Variants in SUGP2 observed in about 807,000 individuals in gnomAD.
SUGP2 encodes SURP and G-patch domain-containing protein 2.
Under a neutral mutation model 90.5 loss-of-function variants are expected in SUGP2, and 24 were observed. The ratio of observed to expected loss-of-function variants is 0.27; its 90% CI spans 0.19 to 0.37. The LOEUF (loss-of-function observed/expected upper bound fraction) is 0.37, where lower values mean the gene tolerates loss of function less well. Ranked by LOEUF, SUGP2 falls within the 10% of genes least tolerant of loss-of-function variation. The pLI, the probability that SUGP2 is intolerant of heterozygous loss-of-function variation, is 1.00. For missense variants in SUGP2, 1,233 were observed against 1,363.3 expected, an observed-to-expected ratio of 0.90 and a Z score of 1.51; for synonymous variants, 473 against 513.4, an observed-to-expected ratio of 0.92 and a Z score of 1.06.
At chr19:19,018,628 G>C (rs938381973) in intron 4 of SUGP2, among the ~76,000 whole-genome samples, 4 of 139,778 alleles carry the variant, frequency 2.9e-5, no homozygotes, top group Admixed American at 7.5e-5. Flanking sequence ...CGGAGGTTGC[G>C]GTGAGCCGAG....
At chr19:19,005,796 AC>A (rs1342718529) in intron 6 of SUGP2, among the ~76,000 whole-genome samples, 1 of 151,084 alleles carries the variant, frequency 6.6e-6, no homozygotes, top group African/African-American at 2.4e-5. Flanking sequence ...TACATCAGCC[AC>A]CCAAGTAGTT....
intron 4 of SUGP2, among the ~76,000 whole-genome samples, chr19:19,014,326 G>C (rs1326607740): frequency 6.6e-6 from 1 of 152,086 alleles, no homozygotes; most frequent in Non-Finnish European, 1.5e-5. Flanking sequence ...CACGAGGCAG[G>C]TCACCTCGGC....
At chr19:19,002,329 G>A (rs1036556089) in intron 7 of SUGP2, among the ~76,000 whole-genome samples, 4 of 151,300 alleles carry the variant, frequency 2.6e-5, no homozygotes, top group Admixed American at 1.3e-4. Context: ...GTAGTGAGCC[G>A]AGATTGTGCC....
At chr19:19,024,546 A>C (rs2058849338) in intron 3 of SUGP2, 73 bp downstream of exon 3, 2 of 1,507,966 alleles carry the variant, frequency 1.3e-6, no homozygotes, top group South Asian at 2.6e-5. Context: ...TCTGTGTAAA[A>C]AAATCTCGAA....
chr19:19,004,719 G>C, intron 6 of SUGP2, 73 bp from the exon 7 acceptor site: 1 of 1,293,190 alleles, frequency 7.7e-7, no homozygotes. Flanking sequence ...AAACTGCTGG[G>C]ATTGATCCAA....
rs146559292 is a variant in SUGP2 at position 19,010,104 on chromosome 19, T to C, written c.2089A>G (p.Thr697Ala). The C allele has an allele frequency of 1.3e-4, 212 of 1,611,968 alleles. No homozygotes were observed. The African/African-American group carries it at 2.6e-3, about 20-fold the overall frequency. The change falls in exon 5 of 11, where the codon ACC (threonine) becomes GCC (alanine). Residue 697 changes from threonine (T) to alanine (A), a missense_variant. Physicochemically the swap from Thr to Ala is moderately conservative, Grantham distance 58 (BLOSUM62 0). Coordinates refer to ENST00000452918, the MANE Select transcript of SUGP2 (RefSeq NM_001017392.5). ...GLRGWKARRA[T>A]TGTQTLLSSG... ...GATAGGAGGGTCTGGGTCCCGGTGG[T>C]CGCTCTCCTCGCCTTCCAGCCCCGG...
At chr19:19,007,747 C>A (rs1382221459) in intron 6 of SUGP2, among the ~76,000 whole-genome samples, 2 of 147,206 alleles carry the variant, frequency 1.4e-5, no homozygotes, top group African/African-American at 5.0e-5. Flanking sequence ...TGAGCCATTG[C>A]ACCTAGCCTT....
chr19:19,028,375 G>A (rs2059015271), intron 2 of SUGP2, among the ~76,000 whole-genome samples: 1 of 152,222 alleles, frequency 6.6e-6, no homozygotes, highest in African/African-American at 2.4e-5. Context: ...GCAGAGGGAT[G>A]ATCTCACTGG....
intron 3 of SUGP2, among the ~76,000 whole-genome samples, chr19:19,022,923 A>C (rs140467493): frequency 6.9e-4 from 105 of 152,284 alleles, no homozygotes; most frequent in African/African-American, 2.5e-3. Context: ...ACATCGTGGG[A>C]AAAGTGCTTT....
At chr19:19,031,573 C>T (rs1170827765) in intron 1 of SUGP2, among the ~76,000 whole-genome samples, 1 of 151,494 alleles carries the variant, frequency 6.6e-6, no homozygotes, top group African/African-American at 2.4e-5. Context: ...CATGGTGGCA[C>T]GTGCCTGTAA....
intron 3 of SUGP2, among the ~76,000 whole-genome samples, chr19:19,022,286 T>C (rs1245077651): frequency 6.6e-6 from 1 of 152,086 alleles, no homozygotes; most frequent in African/African-American, 2.4e-5. Flanking sequence ...GCCTGGCCCA[T>C]TATAGCATTT....
chr19:19,015,929 T>C (rs1437172834), intron 4 of SUGP2, among the ~76,000 whole-genome samples: 1 of 152,226 alleles, frequency 6.6e-6, no homozygotes, highest in Non-Finnish European at 1.5e-5. Context: ...CTATTTTTCA[T>C]TTCCAAGATC....
intron 7 of SUGP2, 31 bp from the exon 8 acceptor site, chr19:19,001,705 A>G (rs1430462846): frequency 6.2e-7 from 1 of 1,609,218 alleles, no homozygotes; most frequent in Admixed American, 1.7e-5. Context: ...ACACATACAC[A>G]TACATGTGCT....
In SUGP2 at chr19:19,033,504, C is replaced by A; in HGVS notation, c.-79G>T. On this transcript the variant is annotated 5_prime_UTR_variant, in exon 1 of 11. Coordinates refer to ENST00000452918, the MANE Select transcript of SUGP2 (RefSeq NM_001017392.5). ...GGCTCCTCACCCGCCGCCGCCGCCG[C>A]GCGAGGCGGGGACATGCAAATGAAC... 7.1e-7 allele frequency: 1 copy of A among 1,406,066 alleles called. No individual in the cohort carries two copies. The highest frequency in any genetic ancestry group is 9.3e-7 in the Non-Finnish European group (1 of 1,079,254). The allele number at this position is 1,406,066 out of a possible 1,614,324, so 87.1% of individuals were successfully genotyped here.
At chr19:18,995,654 A>G (rs1472210137) in intron 8 of SUGP2, among the ~76,000 whole-genome samples, 1 of 152,216 alleles carries the variant, frequency 6.6e-6, no homozygotes, top group African/African-American at 2.4e-5. Context: ...AGCCCAGGGA[A>G]GAGTGGGGGG....
intron 2 of SUGP2, among the ~76,000 whole-genome samples, chr19:19,027,596 C>G (rs1436945045): frequency 6.6e-6 from 1 of 151,732 alleles, no homozygotes; most frequent in African/African-American, 2.4e-5. Flanking sequence ...CATTTTGAGA[C>G]AGGCTAGTCA....
Position 19,010,423 on chromosome 19 carries a change from T to C in SUGP2, c.1851-81A>G, listed in dbSNP as rs76496920. On this transcript the variant is annotated intron_variant, in intron 4 of 10. Transcript: ENST00000452918. ...ATTGTTCCTTCAAACACAAACCCTTTCTAAGTGGCCAACTCCTCACTGTCC... is the reference window on the plus strand; with the variant it reads ...ATTGTTCCTTCAAACACAAACCCTTCCTAAGTGGCCAACTCCTCACTGTCC... The C allele has an allele frequency of 1.9e-3, 2,948 of 1,538,040 alleles. 78 individuals are homozygous for C. The East Asian group carries it at 0.051, about 26-fold the overall frequency.
chr19:19,033,394 C>T, intron 1 of SUGP2, 43 bp downstream of exon 1: 1 of 1,262,724 alleles, frequency 7.9e-7, no homozygotes. Context: ...GAGCTTCCCA[C>T]CCCGGGAGCC....
At chr19:19,007,095 T>C (rs2145431362) in intron 6 of SUGP2, among the ~76,000 whole-genome samples, 1 of 152,318 alleles carries the variant, frequency 6.6e-6, no homozygotes, top group South Asian at 2.1e-4. Context: ...CCGGCAGCCT[T>C]TCTCTGGAGG....
Sources: allele counts gnomAD v4.1 joint callset (sites outside exome capture counted in the v4.1 genomes callset), GRCh38; gene constraint gnomAD v4.1.1; transcripts MANE v1.5; gene names NCBI Gene and HGNC (gene_info 2026-07-23, HGNC 2026-07-21).